Variants in VMP1 observed in about 807,000 individuals in gnomAD.
The protein encoded by VMP1 is vacuole membrane protein 1, also known as ectopic P-granules autophagy protein 3 homolog.
Under a neutral mutation model 56.0 loss-of-function variants are expected in VMP1, and 11 were observed. That is an observed-to-expected ratio of 0.20 (90% confidence interval 0.12 to 0.32). The LOEUF is 0.32. Ranked by LOEUF, VMP1 falls within the 10% of genes least tolerant of loss-of-function variation. The pLI is 1.00. For missense variants in VMP1, 296 were observed against 490.3 expected, an observed-to-expected ratio of 0.60 and a Z score of 3.74; for synonymous variants, 149 against 165.0, an observed-to-expected ratio of 0.90 and a Z score of 0.74.
chr17:59,821,539 C>CTTTTTT (rs530907168), intron 10 of VMP1, among the ~76,000 whole-genome samples: 1,494 of 104,412 alleles, frequency 0.014, 92 homozygotes, highest in African/African-American at 0.054. Context: ...AGCTACTTTT[C>CTTTTTT]TTTTTTTTTT....
chr17:59,775,857 A>G (rs911688057), intron 7 of VMP1, among the ~76,000 whole-genome samples: 1 of 152,196 alleles, frequency 6.6e-6, no homozygotes, highest in Non-Finnish European at 1.5e-5. Flanking sequence ...TATCTCAGTT[A>G]TCTCAACAGA....
chr17:59,756,691 C>A (rs1252294177), intron 5 of VMP1, among the ~76,000 whole-genome samples: 2 of 152,194 alleles, frequency 1.3e-5, no homozygotes, highest in African/African-American at 4.8e-5. Flanking sequence ...CATACACACA[C>A]AACACACATT....
intron 10 of VMP1, among the ~76,000 whole-genome samples, chr17:59,828,017 A>G (rs1459929423): frequency 2.0e-5 from 3 of 150,062 alleles, no homozygotes; most frequent in Non-Finnish European, 4.4e-5. Context: ...AAGAGACACA[A>G]CCTCTTTAAA....
intron 1 of VMP1, among the ~76,000 whole-genome samples, chr17:59,718,241 G>A (rs539228170): frequency 1.1e-4 from 13 of 119,714 alleles, no homozygotes; most frequent in African/African-American, 3.2e-4. Flanking sequence ...CTGTCACCCA[G>A]GCTGGAGTGC....
intron 10 of VMP1, among the ~76,000 whole-genome samples, chr17:59,823,423 C>G (rs995363066): frequency 6.7e-6 from 1 of 148,468 alleles, no homozygotes; most frequent in African/African-American, 2.5e-5. Context: ...TGCACTCCAG[C>G]CTGGATGACA....
chr17:59,786,068 A>G (rs928479803), intron 7 of VMP1, among the ~76,000 whole-genome samples: 2 of 152,162 alleles, frequency 1.3e-5, no homozygotes, highest in Non-Finnish European at 1.5e-5. Context: ...GTTTTGAGTT[A>G]TTTACATTAT....
At chr17:59,784,142 T>TGTGAGAGAGAGA (rs556387089) in intron 7 of VMP1, among the ~76,000 whole-genome samples, 75 of 130,458 alleles carry the variant, frequency 5.7e-4, no homozygotes, top group African/African-American at 2.2e-3. Flanking sequence ...TGTGTGTGTG[T>TGTGAGAGAGAGA]GAGAGAGAGA....
intron 10 of VMP1, among the ~76,000 whole-genome samples, chr17:59,821,569 G>C (rs1448327608): frequency 1.6e-5 from 2 of 123,872 alleles, no homozygotes; most frequent in African/African-American, 7.3e-5. Flanking sequence ...TTTTGAGGCG[G>C]AGTTTCACTC....
chr17:59,768,893 G>T (rs987154442), intron 6 of VMP1, among the ~76,000 whole-genome samples: 9 of 151,826 alleles, frequency 5.9e-5, no homozygotes, highest in Non-Finnish European at 1.2e-4. Flanking sequence ...GCCTGAGGCA[G>T]GCGGCTCACT....
chr17:59,798,691 A>G (rs1282625957), intron 7 of VMP1, among the ~76,000 whole-genome samples: 1 of 152,232 alleles, frequency 6.6e-6, no homozygotes, highest in Admixed American at 6.5e-5. Flanking sequence ...GTTCCAGACC[A>G]GCCTGACCAA....
chr17:59,769,183 T>G (rs572330983), intron 6 of VMP1, among the ~76,000 whole-genome samples: 2 of 151,456 alleles, frequency 1.3e-5, no homozygotes, highest in East Asian at 3.9e-4. Context: ...AAGACAGAGT[T>G]TCGCTCTTGT....
chr17:59,744,416 T>A (rs1452450577), intron 5 of VMP1, among the ~76,000 whole-genome samples: 5 of 134,186 alleles, frequency 3.7e-5, no homozygotes, highest in Admixed American at 2.5e-4. Flanking sequence ...GAGCCGAGAT[T>A]CCACCACTGC....
chr17:59,791,858 A>G (rs2037242462), intron 7 of VMP1, among the ~76,000 whole-genome samples: 5 of 152,218 alleles, frequency 3.3e-5, no homozygotes, highest in Non-Finnish European at 2.9e-5. Flanking sequence ...TGAAGTGTGC[A>G]AAATCTTTCA....
intron 1 of VMP1, chr17:59,729,945 A>G (rs949995220): frequency 3.9e-5 from 6 of 152,086 alleles, no homozygotes; most frequent in Non-Finnish European, 7.3e-5. Flanking sequence ...TGGCCTCCCA[A>G]AGTGCTGGGA....
At chr17:59,742,381 G>A (rs2035257738) in intron 5 of VMP1, among the ~76,000 whole-genome samples, 1 of 151,936 alleles carries the variant, frequency 6.6e-6, no homozygotes, top group Admixed American at 6.6e-5. Context: ...GCTGGGTGTG[G>A]TGGCATGTGC....
intron 7 of VMP1, among the ~76,000 whole-genome samples, chr17:59,777,577 C>G (rs546236358): frequency 6.6e-6 from 1 of 151,840 alleles, no homozygotes; most frequent in East Asian, 1.9e-4. Flanking sequence ...TTTGGGAGGC[C>G]GAGGTGGGTG....
chr17:59,747,135 G>A (rs114041542), intron 5 of VMP1, among the ~76,000 whole-genome samples: 81 of 152,288 alleles, frequency 5.3e-4, no homozygotes, highest in African/African-American at 1.9e-3. Flanking sequence ...GCCATCAAAT[G>A]GCTCTACTAA....
intron 1 of VMP1, among the ~76,000 whole-genome samples, chr17:59,717,719 A>G (rs954639801): frequency 1.3e-5 from 2 of 152,202 alleles, no homozygotes; most frequent in African/African-American, 4.8e-5. Context: ...AAGGCATTTG[A>G]TAACAGCCTG....
chr17:59,773,341 T>C (rs1250786648), intron 6 of VMP1, among the ~76,000 whole-genome samples: 1 of 151,616 alleles, frequency 6.6e-6, no homozygotes, highest in Admixed American at 6.6e-5. Flanking sequence ...AGAGTCTAAG[T>C]AGAGATTCTA....
Sources: gnomAD v4.1 joint callset for allele counts (sites outside exome capture counted in the v4.1 genomes callset) on GRCh38, gnomAD v4.1.1 for gene constraint, MANE v1.5 for transcripts, NCBI Gene and HGNC (gene_info 2026-07-23, HGNC 2026-07-21) for gene names.